The following PDE4D variants were observed in gnomAD, a reference collection of about 807,000 sequenced individuals.
The protein encoded by PDE4D is 3',5'-cyclic-AMP phosphodiesterase 4D.
A neutral mutation model predicts 87.4 loss-of-function variants in PDE4D; 24 were observed. The observed-to-expected ratio is 0.27, with a 90% CI of 0.20 to 0.39. The LOEUF is 0.39. Among genes scored for constraint, PDE4D ranks in the 10% least tolerant of loss-of-function variants. The probability of loss-of-function intolerance (pLI) is 1.00; values close to 1 mark genes in which losing one functional copy is unlikely to be tolerated. For synonymous variants in PDE4D, 384 were observed against 383.2 expected (o/e 1.00, Z -0.02); for missense variants, 714 against 1,041.0 (o/e 0.69, Z 4.32).
chr5:59,780,951 G>C (rs959153594), intron 1 of PDE4D, among the ~76,000 whole-genome samples: 4 of 152,026 alleles, frequency 2.6e-5, no homozygotes, highest in African/African-American at 7.2e-5. Context: ...TGGATCACCT[G>C]AGGTCAGGAG....
intron 1 of PDE4D, among the ~76,000 whole-genome samples, chr5:59,689,926 AACAG>A (rs1221497495): frequency 2.0e-5 from 3 of 152,130 alleles, no homozygotes; most frequent in African/African-American, 7.2e-5. Flanking sequence ...ATACACCAAT[AACAG>A]ACAAACAGCC....
At chr5:59,372,706 C>A (rs1484313789) in intron 1 of PDE4D, among the ~76,000 whole-genome samples, 7 of 152,166 alleles carry the variant, frequency 4.6e-5, no homozygotes, top group Admixed American at 2.0e-4. Flanking sequence ...GGCCTCCTGC[C>A]CACCTCTGTA....
intron 2 of PDE4D, among the ~76,000 whole-genome samples, chr5:60,046,236 A>G (rs1449446327): frequency 6.6e-6 from 1 of 152,180 alleles, no homozygotes; most frequent in African/African-American, 2.4e-5. Context: ...GAATTTGCTG[A>G]AGTTGCTTAT....
Position 60,067,118 on chromosome 5 carries a change from T to C in PDE4D, c.43-78401A>G, listed in dbSNP as rs542184479. The stretch of plus-strand genomic sequence containing the variant: ...GATGTTTGATATATTCATTCATATA[T>C]GTCTACATTTCACTTATTCATTTTC... On this transcript the variant is annotated intron_variant, in intron 2 of 16. Coordinates refer to the PDE4D transcript ENST00000502484. Among the ~76,000 whole-genome samples, 16 of 152,282 alleles carry C rather than the reference T, an allele frequency of 1.1e-4. 1 individual carries two copies. Among genetic ancestry groups the C allele is most frequent in the Middle Eastern group, 6.8e-3 (2 of 294 alleles).
rs149324317 is a variant in PDE4D at position 59,575,910 on chromosome 5, G to A, written c.455+317258C>T. Among the ~76,000 whole-genome samples the A allele has an allele frequency of 8.1e-3, 1,230 of 152,150 alleles. 15 individuals are homozygous for A. The highest frequency in any genetic ancestry group is 0.028 in the African/African-American group (1,168 of 41,544). On this transcript the variant is annotated intron_variant, in intron 1 of 14. Transcript: ENST00000340635. ...TTGCTGAGGCTTGAGAGATGAGGAGGTATAAATTATCCCTCATAATTCAAA... is the reference window on the plus strand; with the variant it reads ...TTGCTGAGGCTTGAGAGATGAGGAGATATAAATTATCCCTCATAATTCAAA...
At chr5:59,872,859 C>T (rs1262791256) in intron 1 of PDE4D, among the ~76,000 whole-genome samples, 1 of 152,082 alleles carries the variant, frequency 6.6e-6, no homozygotes, top group Non-Finnish European at 1.5e-5. Context: ...GTAAGAAATG[C>T]CATAGAATAT....
intron 3 of PDE4D, among the ~76,000 whole-genome samples, chr5:59,951,868 C>A (rs185883522): frequency 1.6e-4 from 25 of 152,288 alleles, no homozygotes; most frequent in African/African-American, 5.1e-4. Context: ...CAGCAAAGCT[C>A]CATAAATATC....
intron 5 of PDE4D, among the ~76,000 whole-genome samples, chr5:59,160,265 A>G (rs1006477591): frequency 3.9e-5 from 6 of 152,200 alleles, no homozygotes; most frequent in Admixed American, 6.5e-5. Flanking sequence ...TTCACACATT[A>G]TCAGAAGCAT....
intron 2 of PDE4D, among the ~76,000 whole-genome samples, chr5:60,010,722 C>T (rs916357040): frequency 5.3e-5 from 8 of 152,120 alleles, no homozygotes; most frequent in African/African-American, 1.7e-4. Flanking sequence ...TCTTCTACAA[C>T]ATAGGATAGC....
At chr5:60,122,672 G>C (rs1582767524) in intron 2 of PDE4D, among the ~76,000 whole-genome samples, 1 of 152,242 alleles carries the variant, frequency 6.6e-6, no homozygotes, top group Non-Finnish European at 1.5e-5. Context: ...GTGATGGGAG[G>C]GGCTGCTGTG....
At chr5:59,269,215 C>T (rs750010177) in intron 1 of PDE4D, among the ~76,000 whole-genome samples, 5 of 152,072 alleles carry the variant, frequency 3.3e-5, no homozygotes, top group African/African-American at 1.2e-4. Flanking sequence ...CCAAAAGAAG[C>T]GTCTTGCTTC....
At chr5:60,038,029 A>T (rs1349537502) in intron 2 of PDE4D, among the ~76,000 whole-genome samples, 1 of 152,106 alleles carries the variant, frequency 6.6e-6, no homozygotes, top group Non-Finnish European at 1.5e-5. Flanking sequence ...TCCATTAAAA[A>T]ATATAGATGA....
At chr5:60,477,727 T>A (rs1748436213) in intron 1 of PDE4D, among the ~76,000 whole-genome samples, 1 of 152,190 alleles carries the variant, frequency 6.6e-6, no homozygotes. Context: ...GCATGTGTGT[T>A]GCCAACTACC....
chr5:59,439,960 C>T (rs533913194), intron 1 of PDE4D, among the ~76,000 whole-genome samples: 1 of 152,126 alleles, frequency 6.6e-6, no homozygotes, highest in Non-Finnish European at 1.5e-5. Flanking sequence ...AGCTGCCATC[C>T]TAAGATGTAG....
In PDE4D at chr5:59,109,410, G is replaced by A. The variant is rs545472178; in HGVS notation, c.809-70439C>T. On this transcript the variant is annotated intron_variant, in intron 5 of 14. Coordinates refer to ENST00000340635, the MANE Select transcript of PDE4D (RefSeq NM_001104631.2). ...GTGCTATAAGAAGCTCTGATAAGGA[G>A]ACTTCACTGAATCTGGAGCATTTAA... Among the ~76,000 whole-genome samples, 4 of 152,336 alleles carry A rather than the reference G, an allele frequency of 2.6e-5. No individual in the cohort carries two copies. The South Asian group carries it at 6.2e-4, about 24-fold the overall frequency.
intron 1 of PDE4D, among the ~76,000 whole-genome samples, chr5:59,626,984 AT>A (rs1830974078): frequency 1.3e-5 from 2 of 152,092 alleles, no homozygotes; most frequent in Non-Finnish European, 2.9e-5. Flanking sequence ...TGTTTGTCTT[AT>A]TCTTCAAAAT....
chr5:60,230,703 G>A (rs949044829), intron 1 of PDE4D, among the ~76,000 whole-genome samples: 1 of 152,054 alleles, frequency 6.6e-6, no homozygotes, highest in Non-Finnish European at 1.5e-5. Flanking sequence ...AATGATAGAG[G>A]AAAAGTGCTA....
intron 1 of PDE4D, among the ~76,000 whole-genome samples, chr5:59,678,084 A>G (rs1360448384): frequency 2.0e-5 from 3 of 152,210 alleles, no homozygotes; most frequent in African/African-American, 7.2e-5. Context: ...CACTAAAATG[A>G]TAAACTCATC....
intron 6 of PDE4D, among the ~76,000 whole-genome samples, chr5:59,009,027 C>T (rs929603298): frequency 2.0e-5 from 3 of 152,082 alleles, no homozygotes; most frequent in African/African-American, 2.4e-5. Context: ...TGAGATGCCA[C>T]ACTACATACT....
Sources: allele counts gnomAD v4.1 joint callset (sites outside exome capture counted in the v4.1 genomes callset), GRCh38; gene constraint gnomAD v4.1.1; transcripts MANE v1.5; gene names NCBI Gene and HGNC (gene_info 2026-07-23, HGNC 2026-07-21).